The following ITSN1 variants were observed in gnomAD, a reference collection of about 807,000 sequenced individuals.
The protein encoded by ITSN1 is intersectin 1, also known as intersectin-1.
Under a neutral mutation model 239.8 loss-of-function variants are expected in ITSN1, and 58 were observed. The ratio of observed to expected loss-of-function variants is 0.24; its 90% CI spans 0.20 to 0.30. The LOEUF (loss-of-function observed/expected upper bound fraction) is 0.30, where lower values mean the gene tolerates loss of function less well. Among genes scored for constraint, ITSN1 ranks in the 10% least tolerant of loss-of-function variants. ITSN1 has a pLI of 1.00. For synonymous variants in ITSN1, 780 were observed against 770.8 expected, an observed-to-expected ratio of 1.01 and a Z score of -0.20; for missense variants, 1,558 against 2,103.3, an observed-to-expected ratio of 0.74 and a Z score of 5.07.
At chr21:33,652,150 G>T (rs1601433373) in intron 1 of ITSN1, among the ~76,000 whole-genome samples, 2 of 151,780 alleles carry the variant, frequency 1.3e-5, no homozygotes, top group Admixed American at 6.5e-5. Context: ...AAGCTACTTA[G>T]CCCGGGAGAG....
chr21:33,839,015 G>T (rs1221934291), intron 29 of ITSN1, among the ~76,000 whole-genome samples: 3 of 152,222 alleles, frequency 2.0e-5, no homozygotes, highest in Non-Finnish European at 4.4e-5. Context: ...CCACATGCTT[G>T]ATTCCATCCT....
At chr21:33,672,087 A>G (rs2090321244) in intron 1 of ITSN1, among the ~76,000 whole-genome samples, 1 of 152,034 alleles carries the variant, frequency 6.6e-6, no homozygotes, top group South Asian at 2.1e-4. Flanking sequence ...TCTACTAAAA[A>G]TACAAAATTA....
chr21:33,710,940 G>A (rs1329943448), intron 1 of ITSN1, among the ~76,000 whole-genome samples: 1 of 151,652 alleles, frequency 6.6e-6, no homozygotes, highest in Non-Finnish European at 1.5e-5. Context: ...TGAGCAGCTG[G>A]GACTACAGGC....
At chr21:33,868,360 G>A (rs574246504) in intron 33 of ITSN1, among the ~76,000 whole-genome samples, 90 of 152,382 alleles carry the variant, frequency 5.9e-4, no homozygotes, top group African/African-American at 2.1e-3. Flanking sequence ...GGGCGCCGTG[G>A]AGCAGGGGGC....
intron 1 of ITSN1, among the ~76,000 whole-genome samples, chr21:33,707,131 C>T (rs1202622260): frequency 6.6e-6 from 1 of 152,104 alleles, no homozygotes; most frequent in East Asian, 1.9e-4. Context: ...ATGTGAATTC[C>T]ATCAACATAG....
chr21:33,697,254 G>GT (rs2091837193), intron 1 of ITSN1, among the ~76,000 whole-genome samples: 1 of 43,502 alleles, frequency 2.3e-5, no homozygotes, highest in Non-Finnish European at 5.0e-5. Flanking sequence ...TTTTTTTTTT[G>GT]TATTTTTAGT....
intron 33 of ITSN1, among the ~76,000 whole-genome samples, chr21:33,868,746 A>G (rs754068614): frequency 6.6e-6 from 1 of 152,172 alleles, no homozygotes; most frequent in African/African-American, 2.4e-5. Flanking sequence ...GGCCTTGGCC[A>G]GCCCAGAAGG....
At chr21:33,852,267 G>T (rs1267414042) in intron 29 of ITSN1, among the ~76,000 whole-genome samples, 3 of 152,118 alleles carry the variant, frequency 2.0e-5, no homozygotes, top group Non-Finnish European at 4.4e-5. Flanking sequence ...CAGGAACAAG[G>T]TCTGTTTATT....
chr21:33,652,621 C>A (rs1469546470), intron 1 of ITSN1, among the ~76,000 whole-genome samples: 1 of 152,102 alleles, frequency 6.6e-6, no homozygotes, highest in Non-Finnish European at 1.5e-5. Flanking sequence ...ATGCATTCCC[C>A]CTATCATGTA....
chr21:33,803,862 C>T (rs1015353244), intron 20 of ITSN1, among the ~76,000 whole-genome samples: 1 of 152,118 alleles, frequency 6.6e-6, no homozygotes, highest in Non-Finnish European at 1.5e-5. Flanking sequence ...TACTACTAGG[C>T]ATAATTCGTT....
Position 33,883,894 on chromosome 21 carries a change from G to GTTTTT in ITSN1, c.4676+242_4676+246dup, listed in dbSNP as rs34448559. ...ATGGATTCAAACTAATTTTGCTTGA[G>GTTTTT]TTTTTTTTTTTTTTTTTTTTTTTAA... On this transcript the variant is annotated intron_variant, in intron 36 of 39. Coordinates refer to ENST00000381318, the MANE Select transcript of ITSN1 (RefSeq NM_003024.3). Among the ~76,000 whole-genome samples, 61 of 109,766 alleles carry GTTTTT rather than the reference G, an allele frequency of 5.6e-4. 1 individual carries two copies. Among genetic ancestry groups the GTTTTT allele is most frequent in the Admixed American group, 1.8e-3 (18 of 9,924 alleles). 72.0% of individuals were successfully genotyped at this position (109,766 alleles called of 152,430 possible). A position where few individuals can be genotyped will look rare whatever the true frequency, so the allele number is the denominator to read the frequency against.
At chr21:33,796,318 A>C (rs1477835262) in intron 17 of ITSN1, among the ~76,000 whole-genome samples, 1 of 151,860 alleles carries the variant, frequency 6.6e-6, no homozygotes, top group Admixed American at 6.6e-5. Context: ...CCATATCCTT[A>C]CCCCTCCAAA....
chr21:33,649,098 A>G (rs1189682914), intron 1 of ITSN1, among the ~76,000 whole-genome samples: 3 of 152,194 alleles, frequency 2.0e-5, no homozygotes, highest in Admixed American at 6.5e-5. Context: ...GAAACGCAAG[A>G]CTGTACAGAA....
intron 1 of ITSN1, among the ~76,000 whole-genome samples, chr21:33,691,578 C>T (rs2091550001): frequency 6.6e-6 from 1 of 152,180 alleles, no homozygotes; most frequent in African/African-American, 2.4e-5. Flanking sequence ...GTGGAGACAT[C>T]AAGGTCAGTA....
At chr21:33,862,007 A>AAT (rs1279038627) in intron 31 of ITSN1, among the ~76,000 whole-genome samples, 36 of 147,386 alleles carry the variant, frequency 2.4e-4, no homozygotes, top group Non-Finnish European at 5.1e-4. Flanking sequence ...AAAAAAAAAA[A>AAT]AAAAAAAGAG....
chr21:33,738,870 C>A (rs2066669108), intron 5 of ITSN1, among the ~76,000 whole-genome samples: 1 of 152,216 alleles, frequency 6.6e-6, no homozygotes, highest in Non-Finnish European at 1.5e-5. Context: ...TCATAGCTCA[C>A]TGTAGCCTCC....
chr21:33,769,262 C>T (rs1569138784), intron 11 of ITSN1, among the ~76,000 whole-genome samples: 2 of 152,136 alleles, frequency 1.3e-5, no homozygotes, highest in Admixed American at 6.5e-5. Flanking sequence ...AAATTTTGAA[C>T]AGGAAGCAAC....
intron 5 of ITSN1, among the ~76,000 whole-genome samples, chr21:33,742,392 A>T (rs1403083982): frequency 2.6e-5 from 4 of 152,200 alleles, no homozygotes; most frequent in African/African-American, 9.6e-5. Context: ...ACATGCTCTT[A>T]GTAAAAAGAA....
At chr21:33,644,911 T>A (rs776459294) in intron 1 of ITSN1, among the ~76,000 whole-genome samples, 4 of 151,838 alleles carry the variant, frequency 2.6e-5, no homozygotes, top group Non-Finnish European at 5.9e-5. Context: ...AGCCTCGACC[T>A]CCTGGGCTCC....
Sources: allele counts gnomAD v4.1 joint callset (sites outside exome capture counted in the v4.1 genomes callset), GRCh38; gene constraint gnomAD v4.1.1; transcripts MANE v1.5; gene names NCBI Gene and HGNC (gene_info 2026-07-23, HGNC 2026-07-21).